Variants in SGK1 observed in about 807,000 individuals in gnomAD.
SGK1 encodes serum/glucocorticoid regulated kinase 1.
In SGK1, 26 loss-of-function variants were observed where a neutral mutation model predicts 64.2. The observed-to-expected ratio is 0.40, with a 90% CI of 0.30 to 0.56. The LOEUF (loss-of-function observed/expected upper bound fraction) is 0.56. Ranked by LOEUF, SGK1 falls within the 20% of genes least tolerant of loss-of-function variation. The probability of loss-of-function intolerance (pLI) is 0.38; values close to 1 mark genes in which losing one functional copy is unlikely to be tolerated. For missense variants in SGK1, 519 were observed against 645.6 expected (o/e 0.80, Z 2.12); for synonymous variants, 265 against 239.7 (o/e 1.11, Z -0.98).
chr6:134,171,004 A>G lies in SGK1; in HGVS notation c.1323+19T>C. 1 of 1,613,908 alleles carries G rather than the reference A, an allele frequency of 6.2e-7. No homozygotes were observed. The highest frequency in any genetic ancestry group is 8.5e-7 in the Non-Finnish European group (1 of 1,179,832). On this transcript the variant is annotated intron_variant, in intron 12 of 13. Coordinates refer to ENST00000367858, the MANE Select transcript of SGK1 (RefSeq NM_001143676.3). ...TGCACGTCCCGGCCGGCCCAGGAGG[A>G]CAGGAAAACATCACTCACGAAGTCA...
At chr6:134,201,210 G>A (rs568198382) in intron 3 of SGK1, among the ~76,000 whole-genome samples, 5 of 146,238 alleles carry the variant, frequency 3.4e-5, no homozygotes, top group South Asian at 4.4e-4. Flanking sequence ...ACAGGTGCCC[G>A]TCACCATGCC....
At chr6:134,297,961 C>A in intron 1 of SGK1, 1 of 810,288 alleles carries the variant, frequency 1.2e-6, no homozygotes, top group South Asian at 1.3e-5. Flanking sequence ...CCGTCCATGT[C>A]CGGGGAGCGG....
In SGK1 at chr6:134,173,543, G is replaced by C; in HGVS notation, c.537C>G (p.Asn179Lys). The stretch of plus-strand genomic sequence containing the variant: ...CATGAGGATTGGACGACGGGCCAAG[G>C]TTGATTTGCTGAGAAGGACTTGGCT... ...SPPPSPSQQI[N>K]LGPSSNPHAK... Residue 179 changes from asparagine (N) to lysine (K), a missense_variant, in exon 6 of 14, where the codon AAC (asparagine) becomes AAG (lysine). This residue lies in a region of SGK1 where 241 missense variants were observed against 236.9 expected (regional missense o/e 1.02). Transcript: ENST00000367858. The C allele has an allele frequency of 6.2e-7, 1 of 1,608,884 alleles. No individual in the cohort carries two copies. Among genetic ancestry groups the C allele is most frequent in the South Asian group, 1.1e-5 (1 of 89,628 alleles).
chr6:134,259,366 G>A (rs974967592), intron 2 of SGK1, among the ~76,000 whole-genome samples: 51 of 151,996 alleles, frequency 3.4e-4, no homozygotes, highest in African/African-American at 1.0e-3. Flanking sequence ...CAGGCTGGGC[G>A]CAGTGGCTCA....
At chr6:134,239,235 G>A (rs1198972857) in intron 2 of SGK1, among the ~76,000 whole-genome samples, 2 of 152,154 alleles carry the variant, frequency 1.3e-5, no homozygotes, top group African/African-American at 4.8e-5. Flanking sequence ...ACCTCATTGT[G>A]CTGCTATGAA....
intron 2 of SGK1, among the ~76,000 whole-genome samples, chr6:134,231,185 T>C (rs1472520512): frequency 6.6e-6 from 1 of 152,154 alleles, no homozygotes; most frequent in African/African-American, 2.4e-5. Flanking sequence ...TGAGAATCTG[T>C]ATTAAAAAAA....
chr6:134,314,772 T>C (rs1777652718), intron 1 of SGK1, among the ~76,000 whole-genome samples: 1 of 150,526 alleles, frequency 6.6e-6, no homozygotes, highest in African/African-American at 2.4e-5. Flanking sequence ...TCTTTTTAAT[T>C]AGCCCTAATA....
At chr6:134,206,383 ATTTTTT>A (rs869072819) in intron 3 of SGK1, among the ~76,000 whole-genome samples, 56 of 16,552 alleles carry the variant, frequency 3.4e-3, no homozygotes, top group African/African-American at 9.3e-3. Flanking sequence ...ATATATATAT[ATTTTTT>A]TTTTTTTTTT....
intron 1 of SGK1, among the ~76,000 whole-genome samples, chr6:134,282,669 T>C (rs1354091831): frequency 6.6e-6 from 1 of 150,868 alleles, no homozygotes; most frequent in Non-Finnish European, 1.5e-5. Context: ...AAAAATAAAA[T>C]AAAAGAGTTT....
At chr6:134,260,172 T>C (rs927759045) in intron 2 of SGK1, 29 of 131,860 alleles carry the variant, frequency 2.2e-4, no homozygotes, top group Admixed American at 2.1e-3. Flanking sequence ...AACACCCTGT[T>C]TCTACAAAAA....
At chr6:134,257,181 C>G (rs1776697594) in intron 2 of SGK1, 1 of 152,580 alleles carries the variant, frequency 6.6e-6, no homozygotes, top group African/African-American at 2.4e-5. Flanking sequence ...AATCCCCGCA[C>G]TTTGGGAGGC....
intron 2 of SGK1, among the ~76,000 whole-genome samples, chr6:134,233,688 T>C (rs1257008905): frequency 6.6e-6 from 1 of 152,118 alleles, no homozygotes; most frequent in East Asian, 1.9e-4. Flanking sequence ...AAGCAATAAA[T>C]ATGGGATTTA....
At chr6:134,277,066 A>C (rs995996449) in intron 1 of SGK1, among the ~76,000 whole-genome samples, 4 of 151,406 alleles carry the variant, frequency 2.6e-5, no homozygotes, top group African/African-American at 7.3e-5. Context: ...AAAAACAAAA[A>C]CAAAAACCAG....
chr6:134,175,983 A>G, intron 3 of SGK1: 1 of 1,104,788 alleles, frequency 9.1e-7, no homozygotes, highest in Non-Finnish European at 1.1e-6. Context: ...AGGAAGAAGT[A>G]CAATCTGCAT....
intron 3 of SGK1, among the ~76,000 whole-genome samples, chr6:134,200,295 A>G (rs1470011055): frequency 6.6e-6 from 1 of 152,086 alleles, no homozygotes; most frequent in African/African-American, 2.4e-5. Context: ...TCCTTTCTCT[A>G]TTTTTCATTT....
At chr6:134,219,389 T>G (rs72972264) in intron 2 of SGK1, among the ~76,000 whole-genome samples, 3,302 of 152,254 alleles carry the variant, frequency 0.022, 59 homozygotes, top group Non-Finnish European at 0.035. Flanking sequence ...ATTTCCCTCC[T>G]GGCTCTGCAG....
intron 1 of SGK1, among the ~76,000 whole-genome samples, chr6:134,306,923 C>G (rs937810723): frequency 4.6e-3 from 523 of 114,614 alleles, no homozygotes; most frequent in African/African-American, 7.8e-3. Context: ...GGGGGGGGGG[C>G]GGAATTTCAA....
At chr6:134,173,392 C>T in intron 6 of SGK1, 35 bp from the exon 7 acceptor site, 1 of 1,590,944 alleles carries the variant, frequency 6.3e-7, no homozygotes, top group Non-Finnish European at 8.6e-7. Context: ...ATTTTTCTAT[C>T]CTCATCCAGG....
At chr6:134,227,281 TCCACTACCATG>T (rs920440309) in intron 2 of SGK1, among the ~76,000 whole-genome samples, 122 of 152,204 alleles carry the variant, frequency 8.0e-4, no homozygotes, top group African/African-American at 2.9e-3. Flanking sequence ...ATTACAGGCG[TCCACTACCATG>T]CCTGGCTAAT....
Sources: allele counts gnomAD v4.1 joint callset (sites outside exome capture counted in the v4.1 genomes callset), GRCh38; gene constraint gnomAD v4.1.1; regional missense constraint gnomAD v4.1.1; transcripts MANE v1.5; gene names NCBI Gene and HGNC (gene_info 2026-07-23, HGNC 2026-07-21).